Variants in SYNCRIP observed in about 807,000 individuals in gnomAD.
SYNCRIP encodes synaptotagmin binding cytoplasmic RNA interacting protein, also known as heterogeneous nuclear ribonucleoprotein Q.
Under a neutral mutation model 68.9 loss-of-function variants are expected in SYNCRIP, and 9 were observed. That is an observed-to-expected ratio of 0.13 (90% CI 0.08 to 0.23). SYNCRIP has a LOEUF of 0.23. Ranked by LOEUF, SYNCRIP falls within the 10% of genes least tolerant of loss-of-function variation. The pLI, the probability that SYNCRIP is intolerant of heterozygous loss-of-function variation, is 1.00. For missense variants in SYNCRIP, 414 were observed against 770.6 expected (o/e 0.54, Z 5.48); for synonymous variants, 258 against 254.0 (o/e 1.02, Z -0.15).
intron 6 of SYNCRIP, among the ~76,000 whole-genome samples, chr6:85,627,895 A>C (rs1400934251): frequency 6.6e-6 from 1 of 152,174 alleles, no homozygotes; most frequent in Non-Finnish European, 1.5e-5. Flanking sequence ...TCCTGTCATC[A>C]AGTCTCAAAA....
At chr6:85,627,838 G>A (rs775178238) in intron 6 of SYNCRIP, among the ~76,000 whole-genome samples, 18 of 152,158 alleles carry the variant, frequency 1.2e-4, no homozygotes, top group Non-Finnish European at 2.1e-4. Flanking sequence ...ATCAATGTGA[G>A]GTTTCAGTTT....
chr6:85,643,566 T>A (rs1034265616), upstream of SYNCRIP, among the ~76,000 whole-genome samples: 13 of 126,266 alleles, frequency 1.0e-4, no homozygotes, highest in African/African-American at 4.1e-4. Flanking sequence ...CGTGTCCCAC[T>A]CGTTTTCCTT....
chr6:85,638,529 C>G (rs1435263172), intron 4 of SYNCRIP, among the ~76,000 whole-genome samples: 1 of 151,786 alleles, frequency 6.6e-6, no homozygotes, highest in Non-Finnish European at 1.5e-5. Flanking sequence ...CTAGGACATT[C>G]TGAAATAAAA....
At chr6:85,643,708 G>A (rs1247273497), upstream of SYNCRIP, 2 of 151,716 alleles carry the variant, frequency 1.3e-5, no homozygotes, top group East Asian at 3.9e-4. Flanking sequence ...GCAGAGTGCT[G>A]TGGGCGCTGA....
rs186583293 is a variant in SYNCRIP at position 85,634,832 on chromosome 6, C to T, written c.666+2135G>A. Among the ~76,000 whole-genome samples, 20 of 152,278 alleles carry T rather than the reference C, an allele frequency of 1.3e-4. No individual in the cohort carries two copies. In the East Asian group the frequency reaches 3.5e-3, roughly 26 times the overall value. On this transcript the variant is annotated intron_variant, in intron 6 of 10. Coordinates refer to ENST00000369622, the MANE Select transcript of SYNCRIP (RefSeq NM_006372.5). ...AGGTGGCTCATGCCAGTAATCCTTG[C>T]ACTTTGGGAAGCCGAGGTAGGAGGA...
rs1806128714 is a variant in SYNCRIP, at chr6:85,619,318, A to G, written c.1108T>C (p.Leu370=). The G allele has an allele frequency of 1.2e-6, 2 of 1,614,000 alleles. No individual in the cohort carries two copies. Among genetic ancestry groups the G allele is most frequent in the Non-Finnish European group, 1.7e-6 (2 of 1,179,988 alleles). The change falls in exon 9 of 11, where the codon TTA becomes CTA. Residue 370 remains leucine (L), a synonymous_variant. Coordinates refer to ENST00000369622, the MANE Select transcript of SYNCRIP (RefSeq NM_006372.5). Reference sequence around the variant, plus strand: ...AAATGAATGAACGCATAATCTTTTAACTTCTTCACTCGTTCCAGTTTCCCA... The same window carrying G: ...AAATGAATGAACGCATAATCTTTTAGCTTCTTCACTCGTTCCAGTTTCCCA... ...QFGKLERVKK[L]KDYAFIHFDE... is the part of the protein sequence containing the mutation.
At chr6:85,631,376 G>GAA (rs1272519706) in intron 6 of SYNCRIP, among the ~76,000 whole-genome samples, 1 of 149,304 alleles carries the variant, frequency 6.7e-6, no homozygotes, top group Non-Finnish European at 1.5e-5. Context: ...TAAAGAAGGC[G>GAA]AAACATGGCT....
chr6:85,633,294 T>C (rs139505592), intron 6 of SYNCRIP, among the ~76,000 whole-genome samples: 1,600 of 146,950 alleles, frequency 0.011, 27 homozygotes, highest in African/African-American at 0.037. Flanking sequence ...ATAAATAAAA[T>C]AAACAATTTA....
intron 3 of SYNCRIP, 42 bp from the exon 4 acceptor site, chr6:85,640,370 CTGAGTCTAA>C (rs1473928053): frequency 6.3e-7 from 1 of 1,593,012 alleles, no homozygotes; most frequent in African/African-American, 1.3e-5. Flanking sequence ...ATAACCATAT[CTGAGTCTAA>C]TAAAATTCAG....
Position 85,623,562 on chromosome 6 carries a change from C to CCAAAAAAA in SYNCRIP, c.802+414_802+415insTTTTTTTG, listed in dbSNP as rs572909849. ...CTGGGCAACAAAGCAAGACTGTCTC[C>CCAAAAAAA]AAAAAAAAAAAAAAAAAAAAACACT... On this transcript the variant is annotated intron_variant, in intron 7 of 10. Coordinates refer to ENST00000369622, the MANE Select transcript of SYNCRIP (RefSeq NM_006372.5). 8.1e-4 allele frequency among the ~76,000 whole-genome samples: 51 copies of CCAAAAAAA among 63,244 alleles called. 5 individuals are homozygous for CCAAAAAAA. Among genetic ancestry groups the CCAAAAAAA allele is most frequent in the African/African-American group, 2.8e-3 (41 of 14,710 alleles). The allele number at this position is 63,244 out of a possible 152,430, so 41.5% of individuals were successfully genotyped here.
intron 4 of SYNCRIP, among the ~76,000 whole-genome samples, chr6:85,639,443 T>C (rs1393665479): frequency 1.3e-5 from 2 of 152,170 alleles, no homozygotes; most frequent in African/African-American, 4.8e-5. Flanking sequence ...CAATTCATGG[T>C]TGTCTTAAAC....
chr6:85,619,632 G>C (rs533170379), intron 8 of SYNCRIP, among the ~76,000 whole-genome samples: 15 of 152,162 alleles, frequency 9.9e-5, no homozygotes, highest in African/African-American at 3.4e-4. Flanking sequence ...TGCCAAAAAA[G>C]ATATACAGAT....
chr6:85,640,555 G>A lies in SYNCRIP; in HGVS notation c.158C>T (p.Ala53Val), dbSNP rs1488493321. The A allele has an allele frequency of 6.4e-7, 1 of 1,570,526 alleles. No homozygotes were observed. The highest frequency in any genetic ancestry group is 2.2e-4 in the Middle Eastern group (1 of 4,582). The change falls in exon 3 of 11, where the codon GCA (alanine) becomes GTA (valine). Residue 53 changes from alanine to valine, a missense_variant. Coordinates refer to ENST00000369622, the MANE Select transcript of SYNCRIP (RefSeq NM_006372.5). ...AGCTCTTTCATCTAAATCACTATGT[G>A]CAACTAGCCCTGAAAAAAATAAAAG... is the stretch of plus-strand genomic sequence containing the variant. ...LDEIYVAGLV[A>V]HSDLDERAIE...
chr6:85,636,104 A>G (rs868475137), intron 6 of SYNCRIP, among the ~76,000 whole-genome samples: 2 of 152,190 alleles, frequency 1.3e-5, no homozygotes, highest in Non-Finnish European at 2.9e-5. Flanking sequence ...ACAGAACTTA[A>G]TAAAACTAGT....
At chr6:85,640,894 C>T (rs1809059646) in intron 2 of SYNCRIP, among the ~76,000 whole-genome samples, 1 of 152,140 alleles carries the variant, frequency 6.6e-6, no homozygotes, top group Non-Finnish European at 1.5e-5. Flanking sequence ...ACAACTGAAC[C>T]TCTACTCAAT....
At chr6:85,640,191 T>C (rs377040846) in intron 4 of SYNCRIP, 30 bp downstream of exon 4, 20 of 1,494,008 alleles carry the variant, frequency 1.3e-5, no homozygotes, top group Non-Finnish European at 1.8e-5. Flanking sequence ...AAAATGACTT[T>C]AAAACTAAAG....
intron 6 of SYNCRIP, among the ~76,000 whole-genome samples, chr6:85,625,644 C>A (rs1806950313): frequency 6.6e-6 from 1 of 152,110 alleles, no homozygotes; most frequent in African/African-American, 2.4e-5. Context: ...CCTCGGCCTC[C>A]CAAAGTGCTG....
intron 6 of SYNCRIP, among the ~76,000 whole-genome samples, chr6:85,625,097 G>C (rs1437437949): frequency 6.6e-6 from 1 of 152,084 alleles, no homozygotes; most frequent in Non-Finnish European, 1.5e-5. Flanking sequence ...AAGAAAACAT[G>C]TAAGTCAGAA....
chr6:85,611,808 C>A (rs1583232317), downstream of SYNCRIP: 2 of 152,660 alleles, frequency 1.3e-5, no homozygotes, highest in Non-Finnish European at 2.9e-5. Flanking sequence ...ATGAAACATA[C>A]CTTTTACCTA....
Sources: gnomAD v4.1 joint callset for allele counts (sites outside exome capture counted in the v4.1 genomes callset) on GRCh38, gnomAD v4.1.1 for gene constraint, MANE v1.5 for transcripts, NCBI Gene and HGNC (gene_info 2026-07-23, HGNC 2026-07-21) for gene names.